Variants in TEC observed in about 807,000 individuals in gnomAD.
The protein encoded by TEC is tec protein tyrosine kinase.
In TEC, 72 loss-of-function variants were observed where a neutral mutation model predicts 93.0. That is an observed-to-expected ratio of 0.77 (90% CI 0.64 to 0.94). TEC has a LOEUF of 0.94. TEC is among the 40% of genes least tolerant of loss of function. The probability of loss-of-function intolerance (pLI) is 0.00; values close to 1 mark genes in which losing one functional copy is unlikely to be tolerated. For synonymous variants in TEC, 249 were observed against 247.7 expected (o/e 1.01, Z -0.05); for missense variants, 630 against 757.9 (o/e 0.83, Z 1.98).
At chr4:48,143,370 C>T (rs938276386) in intron 14 of TEC, among the ~76,000 whole-genome samples, 5 of 152,232 alleles carry the variant, frequency 3.3e-5, no homozygotes, top group Non-Finnish European at 5.9e-5. Context: ...CACGTAGATA[C>T]TCAGTTTTTA....
rs1464522425 is a variant in TEC at position 48,137,474 on chromosome 4, T to C, written c.1838A>G (p.Glu613Gly). ...TTCATCTATTGTGCGCAGCAGATCT[T>C]CGAAAGAAGGCCTTCCCTCTGGTTT... ...QEKPEGRPSF[E>G]DLLRTIDELV... The change falls in exon 18 of 18, where the codon GAA (glutamate) becomes GGA (glycine). Residue 613 changes from glutamate to glycine, a missense_variant. Physicochemically the swap from Glu to Gly is moderately conservative, Grantham distance 98. This residue lies in a region of TEC where 289 missense variants were observed against 390.0 expected (regional missense o/e 0.74). Coordinates refer to ENST00000381501, the MANE Select transcript of TEC (RefSeq NM_003215.3). 1.2e-6 allele frequency: 2 copies of C among 1,614,140 alleles called. No homozygotes were observed. The highest frequency in any genetic ancestry group is 8.5e-7 in the Non-Finnish European group (1 of 1,180,018).
chr4:48,159,846 G>A (rs1720554358), intron 8 of TEC, among the ~76,000 whole-genome samples: 1 of 152,126 alleles, frequency 6.6e-6, no homozygotes, highest in African/African-American at 2.4e-5. Flanking sequence ...CCAAGCCCAG[G>A]CTCTTTTCAA....
chr4:48,186,577 C>T (rs1202623745), intron 2 of TEC, among the ~76,000 whole-genome samples: 1 of 149,814 alleles, frequency 6.7e-6, no homozygotes, highest in African/African-American at 2.5e-5. Flanking sequence ...AGCGTCTCCG[C>T]CCGGCCGCCC....
At chr4:48,241,192 T>C (rs1002675508) in intron 1 of TEC, among the ~76,000 whole-genome samples, 23 of 152,264 alleles carry the variant, frequency 1.5e-4, no homozygotes, top group African/African-American at 5.5e-4. Context: ...GGTCCACTTA[T>C]AATATGTAGT....
intron 1 of TEC, among the ~76,000 whole-genome samples, chr4:48,252,695 C>T (rs1319258468): frequency 1.3e-5 from 2 of 152,202 alleles, no homozygotes; most frequent in Non-Finnish European, 2.9e-5. Flanking sequence ...CATTCCAGAG[C>T]ACAAAAAGCA....
chr4:48,197,419 T>C (rs4695358), intron 2 of TEC, among the ~76,000 whole-genome samples: 83,628 of 152,048 alleles, frequency 0.55, 23,577 homozygotes, highest in African/African-American at 0.64. Flanking sequence ...TAAGACCATG[T>C]TTGGCACATG....
chr4:48,186,311 G>A (rs1721841407), intron 2 of TEC, among the ~76,000 whole-genome samples: 1 of 151,908 alleles, frequency 6.6e-6, no homozygotes, highest in Non-Finnish European at 1.5e-5. Flanking sequence ...TCTCTGCCTG[G>A]CCACCCATCG....
intron 11 of TEC, among the ~76,000 whole-genome samples, chr4:48,147,312 A>G (rs1223077767): frequency 6.6e-6 from 1 of 152,236 alleles, no homozygotes. Context: ...TGCAAAAACT[A>G]GTACACAACT....
chr4:48,210,509 G>GGAGGAA (rs1479507041), intron 2 of TEC, among the ~76,000 whole-genome samples: 2 of 143,884 alleles, frequency 1.4e-5, no homozygotes, highest in East Asian at 3.9e-4. Context: ...AGGAGGAGGA[G>GGAGGAA]GAGGAGGATG....
chr4:48,256,580 G>A (rs1190434278), intron 1 of TEC, among the ~76,000 whole-genome samples: 1 of 117,630 alleles, frequency 8.5e-6, no homozygotes, highest in Non-Finnish European at 1.7e-5. Flanking sequence ...GGGCAACAGA[G>A]CGAGACCTTG....
chr4:48,236,377 G>A (rs1052253635), intron 1 of TEC, among the ~76,000 whole-genome samples: 6 of 151,900 alleles, frequency 3.9e-5, no homozygotes, highest in African/African-American at 1.5e-4. Context: ...CACCTCCCGG[G>A]TTCACGCCAT....
At chr4:48,178,845 G>C (rs1721438151) in intron 2 of TEC, among the ~76,000 whole-genome samples, 1 of 152,132 alleles carries the variant, frequency 6.6e-6, no homozygotes, top group South Asian at 2.1e-4. Context: ...GTTCCTAAAA[G>C]AGAAGACAGT....
chr4:48,148,740 G>A (rs1465385253), intron 11 of TEC, among the ~76,000 whole-genome samples: 1 of 152,104 alleles, frequency 6.6e-6, no homozygotes, highest in African/African-American at 2.4e-5. Flanking sequence ...TTGTGTCATG[G>A]GGGTCTGTTG....
chr4:48,248,166 A>G (rs959345545), intron 1 of TEC, among the ~76,000 whole-genome samples: 1 of 152,050 alleles, frequency 6.6e-6, no homozygotes, highest in Non-Finnish European at 1.5e-5. Flanking sequence ...AAGTTCTATC[A>G]GTTAGCTTTT....
At chr4:48,237,405 T>C (rs143773626) in intron 1 of TEC, among the ~76,000 whole-genome samples, 21 of 151,690 alleles carry the variant, frequency 1.4e-4, no homozygotes, top group African/African-American at 5.1e-4. Flanking sequence ...TCAATATGAC[T>C]TTTCATACTA....
chr4:48,179,734 G>C (rs1203363559), intron 2 of TEC, among the ~76,000 whole-genome samples: 1 of 152,112 alleles, frequency 6.6e-6, no homozygotes, highest in African/African-American at 2.4e-5. Flanking sequence ...TTTCAGAAGA[G>C]GAATGGCAGG....
intron 1 of TEC, among the ~76,000 whole-genome samples, chr4:48,260,339 T>C (rs55677378): frequency 0.2 from 29,695 of 152,106 alleles, 3,516 homozygotes; most frequent in Non-Finnish European, 0.27. Flanking sequence ...ATCCTAGAAC[T>C]TTGGGAGGCC....
At chr4:48,214,828 C>T (rs1723019235) in intron 2 of TEC, among the ~76,000 whole-genome samples, 1 of 151,166 alleles carries the variant, frequency 6.6e-6, no homozygotes, top group East Asian at 2.0e-4. Context: ...CACTCCAACC[C>T]GGATGACAGA....
chr4:48,149,667 T>C lies in TEC; in HGVS notation c.896A>G (p.His299Arg). 6.2e-7 allele frequency: 1 copy of C among 1,609,466 alleles called. No individual in the cohort carries two copies. The highest frequency in any genetic ancestry group is 8.5e-7 in the Non-Finnish European group (1 of 1,178,736). ...TGTTGTTGTTTCCTTTATATGATAA[T>C]GCCTAAAACCCGATGAACCTTCTCT... ...FGGEGSSGFR[H>R]YHIKETTTSP... Residue 299 changes from histidine to arginine, a missense_variant, in exon 11 of 18, where the codon CAT becomes CGT. His to Arg is a conservative substitution (Grantham distance 29). Coordinates refer to ENST00000381501, the MANE Select transcript of TEC (RefSeq NM_003215.3).
Sources: gnomAD v4.1 joint callset for allele counts (sites outside exome capture counted in the v4.1 genomes callset) on GRCh38, gnomAD v4.1.1 for gene constraint, gnomAD v4.1.1 regional missense constraint, MANE v1.5 for transcripts, NCBI Gene and HGNC (gene_info 2026-07-23, HGNC 2026-07-21) for gene names.